The following CNTNAP2 variants were observed in gnomAD, a reference collection of about 807,000 sequenced individuals.
The protein encoded by CNTNAP2 is contactin-associated protein-like 2.
In CNTNAP2, 98 loss-of-function variants were observed where a neutral mutation model predicts 155.2. The observed-to-expected ratio is 0.63, with a 90% confidence interval of 0.54 to 0.75. The LOEUF is 0.75. Ranked by LOEUF, CNTNAP2 falls within the 30% of genes least tolerant of loss-of-function variation. CNTNAP2 has a pLI of 0.00. For synonymous variants in CNTNAP2, 651 were observed against 631.2 expected (o/e 1.03, Z -0.47); for missense variants, 1,727 against 1,688.1 (o/e 1.02, Z -0.40).
intron 3 of CNTNAP2, among the ~76,000 whole-genome samples, chr7:146,936,176 A>G (rs987675718): frequency 6.6e-6 from 1 of 152,200 alleles, no homozygotes; most frequent in Non-Finnish European, 1.5e-5. Flanking sequence ...CTGACCAAAA[A>G]GGGGGAATTC....
chr7:146,854,054 C>G (rs1486263386), intron 3 of CNTNAP2, among the ~76,000 whole-genome samples: 1 of 152,124 alleles, frequency 6.6e-6, no homozygotes, highest in Non-Finnish European at 1.5e-5. Context: ...TTTGCAGCAA[C>G]AGGGAGATGA....
intron 13 of CNTNAP2, among the ~76,000 whole-genome samples, chr7:147,841,835 A>C: frequency 6.6e-6 from 1 of 152,208 alleles, no homozygotes; most frequent in South Asian, 2.1e-4. Context: ...ATTTGGCTTC[A>C]ATAACAATAT....
At chr7:147,571,042 G>A (rs1308325820) in intron 12 of CNTNAP2, among the ~76,000 whole-genome samples, 1 of 151,922 alleles carries the variant, frequency 6.6e-6, no homozygotes, top group Non-Finnish European at 1.5e-5. Flanking sequence ...AATGCCTTGG[G>A]GTTTTTAATC....
chr7:146,822,788 C>T (rs1803315180), intron 2 of CNTNAP2, among the ~76,000 whole-genome samples: 1 of 146,740 alleles, frequency 6.8e-6, no homozygotes, highest in South Asian at 2.1e-4. Flanking sequence ...CATTCTTCAG[C>T]ATATTTAAAT....
intron 1 of CNTNAP2, among the ~76,000 whole-genome samples, chr7:146,488,999 T>G (rs1220322611): frequency 2.6e-5 from 4 of 152,128 alleles, no homozygotes; most frequent in Non-Finnish European, 5.9e-5. Context: ...AACAGAGATT[T>G]CAATTTGAAC....
intron 11 of CNTNAP2, among the ~76,000 whole-genome samples, chr7:147,497,640 G>A (rs933504640): frequency 2.6e-5 from 4 of 152,146 alleles, no homozygotes; most frequent in Non-Finnish European, 5.9e-5. Flanking sequence ...GCCTGTGTGT[G>A]TTTTCTACCA....
At chr7:147,184,113 G>C (rs555282904) in intron 8 of CNTNAP2, among the ~76,000 whole-genome samples, 1 of 152,240 alleles carries the variant, frequency 6.6e-6, no homozygotes, top group Admixed American at 6.5e-5. Flanking sequence ...TGATAAGCCT[G>C]AGTTCCTGTA....
At chr7:148,025,689 T>TA (rs1354550242) in intron 15 of CNTNAP2, among the ~76,000 whole-genome samples, 1 of 152,204 alleles carries the variant, frequency 6.6e-6, no homozygotes, top group African/African-American at 2.4e-5. Context: ...TTACCATTCT[T>TA]ACACTTACTT....
At chr7:147,632,777 G>A (rs373603763) in intron 12 of CNTNAP2, among the ~76,000 whole-genome samples, 9 of 152,254 alleles carry the variant, frequency 5.9e-5, no homozygotes, top group African/African-American at 1.7e-4. Context: ...AGAAAATGTG[G>A]GAAAGTTTGG....
At chr7:146,787,326 C>T (rs1802591341) in intron 2 of CNTNAP2, among the ~76,000 whole-genome samples, 1 of 152,104 alleles carries the variant, frequency 6.6e-6, no homozygotes, top group Admixed American at 6.6e-5. Context: ...CGGACCCTTG[C>T]GGTGAGGGTT....
At chr7:146,528,207 A>G (rs1448094597) in intron 1 of CNTNAP2, among the ~76,000 whole-genome samples, 2 of 152,170 alleles carry the variant, frequency 1.3e-5, no homozygotes, top group African/African-American at 2.4e-5. Flanking sequence ...GAACAGAAAA[A>G]TAATTACTTA....
chr7:146,692,905 G>A (rs907804138), intron 1 of CNTNAP2, among the ~76,000 whole-genome samples: 6 of 151,946 alleles, frequency 3.9e-5, no homozygotes, highest in Admixed American at 2.0e-4. Flanking sequence ...CCTGCAGTTC[G>A]TCAGCCACCA....
At chr7:147,131,561 T>G (rs982864493) in intron 7 of CNTNAP2, among the ~76,000 whole-genome samples, 2 of 151,922 alleles carry the variant, frequency 1.3e-5, no homozygotes, top group Non-Finnish European at 2.9e-5. Context: ...TTTAGCCCAT[T>G]TATAGTGCTA....
intron 1 of CNTNAP2, among the ~76,000 whole-genome samples, chr7:146,560,230 G>A (rs1342297800): frequency 6.6e-5 from 10 of 151,948 alleles, no homozygotes; most frequent in East Asian, 3.9e-4. Flanking sequence ...TTAAATAAGT[G>A]TCCTGCTTGA....
intron 22 of CNTNAP2, among the ~76,000 whole-genome samples, chr7:148,386,398 C>G (rs1335897815): frequency 6.6e-5 from 10 of 152,072 alleles, no homozygotes; most frequent in Admixed American, 5.9e-4. Flanking sequence ...CGTGGTGGCG[C>G]ACGCCTGTAA....
chr7:146,951,915 C>T (rs1018538203), intron 3 of CNTNAP2, among the ~76,000 whole-genome samples: 13 of 152,182 alleles, frequency 8.5e-5, no homozygotes, highest in Admixed American at 8.5e-4. Flanking sequence ...TTGATTCTTC[C>T]TATCCATGAG....
At chr7:147,124,990 C>A (rs772258779) in intron 6 of CNTNAP2, among the ~76,000 whole-genome samples, 10 of 148,774 alleles carry the variant, frequency 6.7e-5, no homozygotes, top group Admixed American at 1.4e-4. Context: ...AAGTGATTCT[C>A]CTGGCTCAGC....
intron 11 of CNTNAP2, among the ~76,000 whole-genome samples, chr7:147,501,470 T>C (rs186304724): frequency 2.0e-5 from 3 of 152,324 alleles, no homozygotes; most frequent in Admixed American, 6.5e-5. Flanking sequence ...CATGCTCTTA[T>C]AGAGAGATGT....
chr7:146,388,964 A>G (rs1283914476), intron 1 of CNTNAP2, among the ~76,000 whole-genome samples: 2 of 152,206 alleles, frequency 1.3e-5, no homozygotes, highest in African/African-American at 4.8e-5. Flanking sequence ...AGGAAAGAAA[A>G]GTCACATAGC....
Sources: gnomAD v4.1 joint callset for allele counts (sites outside exome capture counted in the v4.1 genomes callset) on GRCh38, gnomAD v4.1.1 for gene constraint, MANE v1.5 for transcripts, NCBI Gene and HGNC (gene_info 2026-07-23, HGNC 2026-07-21) for gene names.